The following RNF130 variants were observed in gnomAD, a reference collection of about 807,000 sequenced individuals.
RNF130 encodes the protein E3 ubiquitin-protein ligase RNF130.
RNF130 carries 21 observed loss-of-function variants against 44.6 expected under a neutral mutation model. The ratio of observed to expected loss-of-function variants is 0.47; its 90% CI spans 0.33 to 0.68. The LOEUF is 0.68. Among genes scored for constraint, RNF130 ranks in the 30% least tolerant of loss-of-function variants. RNF130 has a pLI of 0.02. For missense variants in RNF130, 479 were observed against 560.6 expected (o/e 0.85, Z 1.47); for synonymous variants, 214 against 210.4 (o/e 1.02, Z -0.15).
chr5:179,966,762 T>C (rs1443840696), intron 7 of RNF130, 44 bp downstream of exon 7: 3 of 1,563,966 alleles, frequency 1.9e-6, no homozygotes, highest in East Asian at 2.3e-5. Flanking sequence ...AATGCCCACA[T>C]AGGCAGCCAC....
In RNF130 at chr5:179,948,627, C is replaced by T. The variant is rs571930296; in HGVS notation, c.1150+18179G>A. Among the ~76,000 whole-genome samples, 6 of 152,138 alleles carry T rather than the reference C, an allele frequency of 3.9e-5. No individual in the cohort carries two copies. The East Asian group carries it at 9.7e-4, about 25-fold the overall frequency. ...TGGAGGTCGCAGTGAGCCGAGATCA[C>T]GCCACTGCATTCCAGCCTGGATGAT... On this transcript the variant is annotated intron_variant, in intron 7 of 7. Coordinates refer to the RNF130 transcript ENST00000522208.
chr5:180,018,013 A>G (rs1431005023), intron 2 of RNF130, among the ~76,000 whole-genome samples: 2 of 152,206 alleles, frequency 1.3e-5, no homozygotes, highest in African/African-American at 4.8e-5. Flanking sequence ...GAAGAGGTTC[A>G]GGCTGGGCGT....
chr5:179,928,389 G>A (rs944067426), intron 7 of RNF130, among the ~76,000 whole-genome samples: 3 of 151,774 alleles, frequency 2.0e-5, no homozygotes, highest in Non-Finnish European at 4.4e-5. Flanking sequence ...TCCAGCAGGT[G>A]TATACACGGC....
chr5:180,009,386 C>A (rs1406621148), intron 3 of RNF130, among the ~76,000 whole-genome samples: 1 of 152,128 alleles, frequency 6.6e-6, no homozygotes, highest in Non-Finnish European at 1.5e-5. Context: ...ACATAAAAAG[C>A]TCTCAAAATT....
intron 7 of RNF130, among the ~76,000 whole-genome samples, chr5:179,941,263 G>A (rs975623327): frequency 3.9e-5 from 6 of 152,184 alleles, no homozygotes; most frequent in Non-Finnish European, 5.9e-5. Context: ...GAGATAATTT[G>A]ACGTTGCTGA....
At chr5:179,976,334 C>T (rs17673499) in intron 5 of RNF130, among the ~76,000 whole-genome samples, 4,318 of 152,200 alleles carry the variant, frequency 0.028, 96 homozygotes, top group Non-Finnish European at 0.041. Context: ...TTTGGAGGCC[C>T]GTAGTTTTAG....
At chr5:179,945,673 C>G (rs1762026508) in intron 7 of RNF130, among the ~76,000 whole-genome samples, 1 of 152,130 alleles carries the variant, frequency 6.6e-6, no homozygotes, top group East Asian at 1.9e-4. Flanking sequence ...TTGAATGTAT[C>G]GGAGGTGCAG....
intron 3 of RNF130, among the ~76,000 whole-genome samples, chr5:179,983,267 TTA>T (rs1762879988): frequency 6.6e-6 from 1 of 152,180 alleles, no homozygotes; most frequent in African/African-American, 2.4e-5. Flanking sequence ...TCTAGAAATT[TTA>T]TAGTTTCGTA....
At chr5:179,969,916 G>C (rs2113707049) in intron 6 of RNF130, among the ~76,000 whole-genome samples, 1 of 152,276 alleles carries the variant, frequency 6.6e-6, no homozygotes, top group African/African-American at 2.4e-5. Context: ...GCTTGAACCT[G>C]GGAGGCGGAG....
intron 2 of RNF130, among the ~76,000 whole-genome samples, chr5:180,034,760 G>C (rs569942146): frequency 6.6e-6 from 1 of 152,216 alleles, no homozygotes; most frequent in Non-Finnish European, 1.5e-5. Context: ...CTCACTGTGA[G>C]TGTGACTATG....
Position 179,980,280 on chromosome 5 carries a change from A to C in RNF130, c.694-80T>G, listed in dbSNP as rs937571169. The C allele has an allele frequency of 3.0e-6, 4 of 1,329,990 alleles. No individual in the cohort carries two copies. In the African/African-American group the frequency reaches 5.8e-5, roughly 19 times the overall value. 82.4% of individuals were successfully genotyped at this position (1,329,990 alleles called of 1,614,324 possible). On this transcript the variant is annotated intron_variant, in intron 3 of 8. Coordinates refer to ENST00000521389, the MANE Select transcript of RNF130 (RefSeq NM_018434.6). ...ACTTTATTTTTAAGCAATTAAAAGT[A>C]TAAAGTCTCTATTTTACTACATCCC...
At chr5:180,058,256 G>A (rs964889694) in intron 1 of RNF130, among the ~76,000 whole-genome samples, 1 of 152,144 alleles carries the variant, frequency 6.6e-6, no homozygotes, top group Non-Finnish European at 1.5e-5. Flanking sequence ...TGTTCATTCT[G>A]TGGGAAGTCA....
At chr5:179,943,269 T>G (rs562705101) in intron 7 of RNF130, among the ~76,000 whole-genome samples, 2 of 152,234 alleles carry the variant, frequency 1.3e-5, no homozygotes, top group Admixed American at 1.3e-4. Context: ...TTTATGACTG[T>G]GTGGGAGGGA....
intron 7 of RNF130, among the ~76,000 whole-genome samples, chr5:179,946,696 G>A (rs1374871787): frequency 6.6e-6 from 1 of 152,074 alleles, no homozygotes; most frequent in Non-Finnish European, 1.5e-5. Flanking sequence ...TGGGACTACA[G>A]GCGCCCGCCA....
chr5:180,024,976 G>A (rs1763955046), intron 2 of RNF130, among the ~76,000 whole-genome samples: 1 of 152,182 alleles, frequency 6.6e-6, no homozygotes, highest in South Asian at 2.1e-4. Flanking sequence ...CACTTAGCAG[G>A]TCCACACCTG....
chr5:179,985,691 T>C (rs1297317083), intron 3 of RNF130, among the ~76,000 whole-genome samples: 1 of 152,202 alleles, frequency 6.6e-6, no homozygotes, highest in African/African-American at 2.4e-5. Flanking sequence ...TATTTATAAT[T>C]TCCCTTCCAG....
chr5:179,963,523 G>A lies in RNF130; in HGVS notation c.1192C>T (p.Leu398Phe). 1 of 1,614,030 alleles carries A rather than the reference G, an allele frequency of 6.2e-7. No homozygotes were observed. Among genetic ancestry groups the A allele is most frequent in the Non-Finnish European group, 8.5e-7 (1 of 1,179,906 alleles). Residue 398 changes from leucine to phenylalanine, a missense_variant, in exon 8 of 9, where the codon CTC becomes TTC. By Grantham distance (22) the Leu-to-Phe change is conservative. Coordinates refer to ENST00000521389, the MANE Select transcript of RNF130 (RefSeq NM_018434.6). ...IIASFGLLSA[L>F]TLCYMIIRAT... ...CTGATGATCATGTAGCAGAGTGTGAGGGCACTGAGGAGGCCAAAACTGGCA... is the reference window on the plus strand; with the variant it reads ...CTGATGATCATGTAGCAGAGTGTGAAGGCACTGAGGAGGCCAAAACTGGCA...
intron 1 of RNF130, among the ~76,000 whole-genome samples, chr5:180,050,334 C>T (rs949294195): frequency 6.6e-6 from 1 of 152,230 alleles, no homozygotes; most frequent in Non-Finnish European, 1.5e-5. Context: ...AGCCATAAGG[C>T]AGTCAGGCAG....
chr5:179,930,376 C>T lies in RNF130; in HGVS notation c.1151-9950G>A, dbSNP rs79920794. ...CGGCCAAAAATTTCATTTTAAATTG[C>T]TTATTGTTAGTCTATAGAAATATAA... is the stretch of plus-strand genomic sequence containing the variant. On this transcript the variant is annotated intron_variant, in intron 7 of 7. Coordinates refer to the RNF130 transcript ENST00000522208. Among the ~76,000 whole-genome samples the T allele has an allele frequency of 2.8e-3, 431 of 152,204 alleles. 2 individuals are homozygous for T. The highest frequency in any genetic ancestry group is 0.01 in the African/African-American group (417 of 41,536).
Sources: allele counts gnomAD v4.1 joint callset (sites outside exome capture counted in the v4.1 genomes callset), GRCh38; gene constraint gnomAD v4.1.1; transcripts MANE v1.5; gene names NCBI Gene and HGNC (gene_info 2026-07-23, HGNC 2026-07-21).